Variants in ANKRD26 observed in about 807,000 individuals in gnomAD.
ANKRD26 encodes ankyrin repeat domain-containing protein 26.
Under a neutral mutation model 208.7 loss-of-function variants are expected in ANKRD26, and 141 were observed. The observed-to-expected ratio is 0.68, with a 90% CI of 0.59 to 0.78. ANKRD26 has a LOEUF of 0.78. Among genes scored for constraint, ANKRD26 ranks in the 30% least tolerant of loss-of-function variants. The pLI is 0.00. For synonymous variants in ANKRD26, 636 were observed against 660.4 expected, an observed-to-expected ratio of 0.96 and a Z score of 0.57; for missense variants, 1,889 against 1,938.7, an observed-to-expected ratio of 0.97 and a Z score of 0.48.
chr10:26,953,859 C>CA, the ANKRD26 span, among the ~76,000 whole-genome samples: 1 of 152,144 alleles, frequency 6.6e-6, no homozygotes, highest in South Asian at 2.1e-4. Context: ...ATGTATTGCC[C>CA]AGCAGCTATC....
In ANKRD26 at chr10:27,037,937, T is replaced by C. The variant is rs764884568; in HGVS notation, c.2493A>G (p.Gln831=). The change falls in exon 22 of 34, where the codon CAA becomes CAG. Residue 831 remains glutamine, a synonymous_variant. Coordinates refer to ENST00000376087, the MANE Select transcript of ANKRD26 (RefSeq NM_014915.3). ...GTGTTTGGAGACTCAGTTCAAGCTG[T>C]TGTTTCACTTCAACTTCTTTCCTAT... is the stretch of plus-strand genomic sequence containing the variant. The part of the protein sequence containing the change: ...EQYRKEVEVK[Q]QLELSLQTLE... The C allele has an allele frequency of 7.4e-6, 12 of 1,613,450 alleles. No homozygotes were observed. Among genetic ancestry groups the C allele is most frequent in the Non-Finnish European group, 9.3e-6 (11 of 1,179,760 alleles).
the ANKRD26 span, among the ~76,000 whole-genome samples, chr10:26,951,013 C>CTTTTCTT: frequency 5.9e-4 from 60 of 100,906 alleles, 3 homozygotes; most frequent in East Asian, 5.7e-3. Context: ...CTTTTCTTTT[C>CTTTTCTT]TTTTTCTTTT....
rs543204428 is a variant in ANKRD26 at position 27,053,258 on chromosome 10, T to C, written c.1635+62A>G. ...CTGAAAAGTAATTTCATTTGGACTA[T>C]GTTACATCATTAAAGCAAAGAAAAC... On this transcript the variant is annotated intron_variant, in intron 16 of 33. Transcript: ENST00000376087. 19 of 1,181,222 alleles carry C rather than the reference T, an allele frequency of 1.6e-5. No homozygotes were observed. The Admixed American group carries it at 2.9e-4, about 18-fold the overall frequency. 73.2% of individuals were successfully genotyped at this position (1,181,222 alleles called of 1,614,324 possible).
chr10:27,071,227 G>A (rs1275733467), intron 9 of ANKRD26, among the ~76,000 whole-genome samples: 2 of 142,514 alleles, frequency 1.4e-5, no homozygotes, highest in African/African-American at 2.7e-5. Context: ...GTGCAGTGGC[G>A]CGATCTCGGC....
chr10:27,021,791 T>C (rs1036664599), intron 29 of ANKRD26, among the ~76,000 whole-genome samples: 2 of 152,248 alleles, frequency 1.3e-5, no homozygotes, highest in African/African-American at 4.8e-5. Flanking sequence ...ATTTCTCTAA[T>C]GATCAATGAT....
intron 1 of ANKRD26, 59 bp downstream of exon 1, chr10:27,100,026 C>G (rs1189381898): frequency 1.6e-5 from 25 of 1,607,976 alleles, no homozygotes; most frequent in Non-Finnish European, 2.1e-5. Flanking sequence ...ACAAAAGGGG[C>G]CCCTCTTCCT....
At chr10:27,075,183 G>A (rs1243764779) in intron 9 of ANKRD26, among the ~76,000 whole-genome samples, 3 of 152,104 alleles carry the variant, frequency 2.0e-5, no homozygotes, top group African/African-American at 7.2e-5. Flanking sequence ...ACATAATGGA[G>A]GAAACAAAGT....
chr10:26,997,114 T>G (rs1034259481), intron 4 of ANKRD26, among the ~76,000 whole-genome samples: 1 of 151,994 alleles, frequency 6.6e-6, no homozygotes, highest in Non-Finnish European at 1.5e-5. Context: ...GCCCAAAAGA[T>G]TGAAAGGGAT....
the ANKRD26 span, among the ~76,000 whole-genome samples, chr10:26,952,260 G>GT: frequency 6.6e-6 from 1 of 151,724 alleles, no homozygotes; most frequent in African/African-American, 2.4e-5. Flanking sequence ...TCTGCTTGTG[G>GT]TGTGCTGTGC....
At chr10:27,061,097 C>T (rs2055036745) in intron 13 of ANKRD26, 47 bp downstream of exon 13, 1 of 1,325,872 alleles carries the variant, frequency 7.5e-7, no homozygotes, top group African/African-American at 1.4e-5. Flanking sequence ...CTTGGATATA[C>T]ACTTGTAGAA....
chr10:27,044,192 T>TAA lies in ANKRD26; in HGVS notation c.1986-4_1986-3dup, dbSNP rs113123391. The TAA allele has an allele frequency of 7.3e-4, 865 of 1,191,870 alleles. No homozygotes were observed. Among genetic ancestry groups the TAA allele is most frequent in the Admixed American group, 1.4e-3 (65 of 45,292 alleles). 73.8% of individuals were successfully genotyped at this position (1,191,870 alleles called of 1,614,324 possible). On this transcript the variant is annotated splice_region_variant and splice_polypyrimidine_tract_variant and intron_variant, in intron 18 of 33. Coordinates refer to ENST00000376087, the MANE Select transcript of ANKRD26 (RefSeq NM_014915.3). ...TCATTAGATGTTTTCTTAGTAGGCC[T>TAA]AAAAAAAAAAAATACCTTTCAGGCA...
intron 30 of ANKRD26, among the ~76,000 whole-genome samples, chr10:27,016,678 GAA>G (rs2053304109): frequency 6.6e-6 from 1 of 151,970 alleles, no homozygotes; most frequent in South Asian, 2.1e-4. Flanking sequence ...GGGCAAGAGA[GAA>G]CTTTCTGGAA....
intron 4 of ANKRD26, among the ~76,000 whole-genome samples, chr10:27,091,968 C>T (rs1399703632): frequency 1.2e-4 from 18 of 148,796 alleles, no homozygotes; most frequent in Non-Finnish European, 2.2e-4. Flanking sequence ...GCCTGAGTGA[C>T]GGGGGAGACT....
chr10:27,002,740 C>T (rs1045425835), downstream of ANKRD26, among the ~76,000 whole-genome samples: 2 of 152,176 alleles, frequency 1.3e-5, no homozygotes, highest in Non-Finnish European at 2.9e-5. Flanking sequence ...GCTCCATGAG[C>T]CTGCCATATT....
the ANKRD26 span, among the ~76,000 whole-genome samples, chr10:26,963,929 T>TTTTTTTTTTTTTA: frequency 7.0e-6 from 1 of 142,178 alleles, no homozygotes; most frequent in South Asian, 2.3e-4. Flanking sequence ...TTTTTTTTTT[T>TTTTTTTTTTTTTA]GAGACAGGAT....
At chr10:26,966,832 C>G in the ANKRD26 span, among the ~76,000 whole-genome samples, 2 of 152,154 alleles carry the variant, frequency 1.3e-5, no homozygotes, top group African/African-American at 4.8e-5. Context: ...CGGTGGTTTG[C>G]ATTCTTGGAG....
the ANKRD26 span, among the ~76,000 whole-genome samples, chr10:26,961,445 G>T: frequency 2.0e-5 from 3 of 152,188 alleles, no homozygotes; most frequent in Non-Finnish European, 4.4e-5. Context: ...GGGATCCTAT[G>T]TGACAGGACT....
At chr10:26,953,859 C>T in the ANKRD26 span, among the ~76,000 whole-genome samples, 1 of 152,144 alleles carries the variant, frequency 6.6e-6, no homozygotes, top group African/African-American at 2.4e-5. Context: ...ATGTATTGCC[C>T]AGCAGCTATC....
chr10:27,067,313 A>G, intron 9 of ANKRD26, 27 bp from the exon 10 acceptor site: 1 of 1,609,232 alleles, frequency 6.2e-7, no homozygotes, highest in Non-Finnish European at 8.5e-7. Context: ...CAAACAAACA[A>G]AAAACTTCAG....
Sources: allele counts gnomAD v4.1 joint callset (sites outside exome capture counted in the v4.1 genomes callset), GRCh38; gene constraint gnomAD v4.1.1; transcripts MANE v1.5; gene names NCBI Gene and HGNC (gene_info 2026-07-23, HGNC 2026-07-21).